The following AHRR variants were observed in gnomAD, a reference collection of about 807,000 sequenced individuals.
AHRR encodes aryl hydrocarbon receptor repressor.
Under a neutral mutation model 44.0 loss-of-function variants are expected in AHRR, and 28 were observed. The observed-to-expected ratio is 0.64, with a 90% CI of 0.47 to 0.87. AHRR has a LOEUF of 0.87. Among genes scored for constraint, AHRR ranks in the 40% least tolerant of loss-of-function variants. The pLI, the probability that AHRR is intolerant of heterozygous loss-of-function variation, is 0.00. For synonymous variants in AHRR, 434 were observed against 407.0 expected, an observed-to-expected ratio of 1.07 and a Z score of -0.80; for missense variants, 990 against 953.9, an observed-to-expected ratio of 1.04 and a Z score of -0.50.
At chr5:425,353 C>G (rs56245862) in intron 7 of AHRR, among the ~76,000 whole-genome samples, 7,063 of 152,290 alleles carry the variant, frequency 0.046, 233 homozygotes, top group Middle Eastern at 0.085. Context: ...GAGTCTCGCT[C>G]TGTCACCCAG....
chr5:344,225 G>A (rs949911501), intron 2 of AHRR, among the ~76,000 whole-genome samples: 7 of 150,948 alleles, frequency 4.6e-5, no homozygotes, highest in African/African-American at 1.7e-4. Flanking sequence ...ACCGTGAGGC[G>A]CTGAGGCCAA....
At chr5:375,856 G>C (rs1733593154) in intron 3 of AHRR, among the ~76,000 whole-genome samples, 1 of 152,168 alleles carries the variant, frequency 6.6e-6, no homozygotes, top group Non-Finnish European at 1.5e-5. Context: ...CTCAGCCCTT[G>C]GTCAGTCTGG....
intron 4 of AHRR, among the ~76,000 whole-genome samples, chr5:396,813 C>T (rs1734725387): frequency 6.6e-6 from 1 of 151,962 alleles, no homozygotes; most frequent in Non-Finnish European, 1.5e-5. Context: ...CGACCCCCAC[C>T]CGCCCATCCA....
intron 8 of AHRR, among the ~76,000 whole-genome samples, chr5:429,367 A>G (rs1363924167): frequency 6.6e-6 from 1 of 152,154 alleles, no homozygotes; most frequent in Non-Finnish European, 1.5e-5. Context: ...CTCTCAGAGA[A>G]TCGTGCAGGA....
intron 5 of AHRR, among the ~76,000 whole-genome samples, chr5:415,343 G>T (rs1448323188): frequency 1.4e-5 from 2 of 140,652 alleles, no homozygotes; most frequent in Admixed American, 7.3e-5. Context: ...CTGGTGGGGC[G>T]GGAGGCCTAG....
At chr5:346,092 C>T (rs1560885777) in intron 2 of AHRR, among the ~76,000 whole-genome samples, 1 of 151,242 alleles carries the variant, frequency 6.6e-6, no homozygotes, top group African/African-American at 2.4e-5. Context: ...AGGCCGGGAC[C>T]AAGGGCTGCA....
intron 9 of AHRR, 136 bp downstream of exon 9, chr5:432,660 T>C: frequency 6.7e-7 from 1 of 1,497,276 alleles, no homozygotes; most frequent in Non-Finnish European, 9.3e-7. Context: ...GTGTCTGTCC[T>C]GCTGTGGACA....
In AHRR at chr5:388,207, C is replaced by T. The variant is rs559420654; in HGVS notation, c.351+11491C>T. Among the ~76,000 whole-genome samples the T allele has an allele frequency of 2.0e-5, 3 of 152,292 alleles. No homozygotes were observed. The South Asian group carries it at 6.2e-4, about 32-fold the overall frequency. On this transcript the variant is annotated intron_variant, in intron 4 of 10. Coordinates refer to ENST00000684583, the MANE Select transcript of AHRR (RefSeq NM_001377236.1). This position sits in a 1 kb window ranked among gnomAD's most constrained non-coding sequence, Gnocchi z 5.2. ...GTGCTTACCTCACAGCTCTATCGTA[C>T]CAGACAGGGGAAAGCTCAGGTTGGA...
intron 5 of AHRR, among the ~76,000 whole-genome samples, chr5:417,083 G>A (rs1178829609): frequency 6.6e-6 from 1 of 151,558 alleles, no homozygotes; most frequent in Non-Finnish European, 1.5e-5. Context: ...TCTAGAGAAG[G>A]CCGCTTGGTC....
At chr5:344,292 C>A (rs941373932) in intron 2 of AHRR, among the ~76,000 whole-genome samples, 3 of 150,992 alleles carry the variant, frequency 2.0e-5, no homozygotes, top group Admixed American at 2.0e-4. Flanking sequence ...ACGGCAGCTT[C>A]CCAGGCTCCG....
chr5:421,059 G>C, intron 5 of AHRR: 1 of 527,706 alleles, frequency 1.9e-6, no homozygotes, highest in Non-Finnish European at 3.3e-6. Context: ...ATCCACCGCA[G>C]CGACTAAAAG....
chr5:360,974 G>A (rs766334121), intron 3 of AHRR, among the ~76,000 whole-genome samples: 5 of 152,288 alleles, frequency 3.3e-5, no homozygotes, highest in South Asian at 2.1e-4. Flanking sequence ...AAGGTGGGCC[G>A]GGTACGGTGG....
intron 3 of AHRR, among the ~76,000 whole-genome samples, chr5:366,436 G>A (rs1470627713): frequency 3.9e-5 from 3 of 77,090 alleles, no homozygotes; most frequent in Non-Finnish European, 2.9e-5. Context: ...TTATATAAAT[G>A]AATGAATAAG....
chr5:331,108 C>G (rs1382850460), intron 1 of AHRR, among the ~76,000 whole-genome samples: 1 of 152,070 alleles, frequency 6.6e-6, no homozygotes, highest in Non-Finnish European at 1.5e-5. Context: ...ATCTCTTGAC[C>G]ACGTGATCCA....
chr5:394,899 A>C (rs1734630531), intron 4 of AHRR, among the ~76,000 whole-genome samples: 1 of 152,084 alleles, frequency 6.6e-6, no homozygotes. Context: ...GGGGGTTTGC[A>C]CAAGAGGAGG....
intron 3 of AHRR, among the ~76,000 whole-genome samples, chr5:354,540 C>T (rs1466587268): frequency 6.6e-6 from 1 of 152,170 alleles, no homozygotes; most frequent in African/African-American, 2.4e-5. Flanking sequence ...ATGGCGTTTC[C>T]TTAGATTTCA....
At chr5:390,854 A>G (rs1172412559) in intron 4 of AHRR, among the ~76,000 whole-genome samples, 1 of 152,194 alleles carries the variant, frequency 6.6e-6, no homozygotes, top group Non-Finnish European at 1.5e-5. Flanking sequence ...GGAAACGCAC[A>G]AACGCCTTCC....
chr5:361,765 G>A (rs1338648258), intron 3 of AHRR, among the ~76,000 whole-genome samples: 3 of 152,200 alleles, frequency 2.0e-5, no homozygotes, highest in Admixed American at 6.5e-5. Flanking sequence ...TTAGAAGGAC[G>A]TGGCTTGTCT....
intron 1 of AHRR, among the ~76,000 whole-genome samples, chr5:341,833 C>G (rs1020655991): frequency 6.6e-6 from 1 of 152,124 alleles, no homozygotes; most frequent in African/African-American, 2.4e-5. Context: ...CAAATATAAG[C>G]ACTTAATGCT....
Sources: allele counts gnomAD v4.1 joint callset (sites outside exome capture counted in the v4.1 genomes callset), GRCh38; gene constraint gnomAD v4.1.1; non-coding constraint Gnocchi (gnomAD v3.1); transcripts MANE v1.5; gene names NCBI Gene and HGNC (gene_info 2026-07-23, HGNC 2026-07-21).